SRM: variants seen among roughly 807,000 people sequenced by gnomAD.
SRM encodes the protein spermidine synthase.
A neutral mutation model predicts 39.3 loss-of-function variants in SRM; 14 were observed. The observed-to-expected ratio is 0.36, with a 90% CI of 0.24 to 0.56. SRM has a LOEUF of 0.56. Ranked by LOEUF, SRM falls within the 20% of genes least tolerant of loss-of-function variation. The pLI is 0.86. For missense variants in SRM, 244 were observed against 409.2 expected, an observed-to-expected ratio of 0.60 and a Z score of 3.48; for synonymous variants, 195 against 173.1, an observed-to-expected ratio of 1.13 and a Z score of -0.99.
rs201760198 is a variant in SRM at position 11,055,094 on chromosome 1, G to A, written c.766-10C>T. The A allele has an allele frequency of 9.8e-5, 157 of 1,595,704 alleles. No individual in the cohort carries two copies. The highest frequency in any genetic ancestry group is 3.7e-4 in the Admixed American group (21 of 56,494). ...CCTGGAAGTTCGTGCTCTGGGGACC[G>A]GGCCAGGGGCACATCAGGGGGGGCA... On this transcript the variant is annotated splice_polypyrimidine_tract_variant and intron_variant, in intron 6 of 7. Transcript: ENST00000376957.
At chr1:11,059,487 G>T in intron 1 of SRM, 142 bp from the exon 2 acceptor site, 1 of 1,427,612 alleles carries the variant, frequency 7.0e-7, no homozygotes. Flanking sequence ...GGCGAGGAAC[G>T]GCAGGCGGGC....
In SRM at chr1:11,059,239, G is replaced by T; in HGVS notation, c.274C>A (p.Pro92Thr). The T allele has an allele frequency of 1.2e-6, 2 of 1,613,590 alleles. No homozygotes were observed. Among genetic ancestry groups the T allele is most frequent in the Non-Finnish European group, 1.7e-6 (2 of 1,179,992 alleles). ...CACTGGGGTACCTTTCGCGGGTTGG[G>T]GTGGCTGCAGAGAGGCAGGTTGGCG... ...MIANLPLCSHPNPRKVLIIGG... is the reference protein window; with the variant it reads ...MIANLPLCSHTNPRKVLIIGG... The change falls in exon 2 of 8, where the codon CCC becomes ACC. Residue 92 changes from proline to threonine, a missense_variant. By Grantham distance (38) the Pro-to-Thr change is conservative (BLOSUM62 -1). Coordinates refer to ENST00000376957, the MANE Select transcript of SRM (RefSeq NM_003132.3).
chr1:11,055,692 G>C, intron 6 of SRM, 89 bp downstream of exon 6: 1 of 1,389,086 alleles, frequency 7.2e-7, no homozygotes, highest in Non-Finnish European at 9.8e-7. Flanking sequence ...TGGGATTACA[G>C]GTGTGAGCCA....
In SRM at chr1:11,059,279, G is replaced by A. The variant is rs11540042; in HGVS notation, c.234C>T (p.Ser78=). The change falls in exon 2 of 8, where the codon TCC becomes TCT. Residue 78 remains serine, a synonymous_variant. Transcript: ENST00000376957. ...GCAGGTTGGCGATCATCTCCTGGTA[G>A]GAGAACTCGTCTCTCTCCGTGCACT... ...VIQCTERDEF[S]YQEMIANLPL... 10 of 1,613,518 alleles carry A rather than the reference G, an allele frequency of 6.2e-6. No homozygotes were observed. The South Asian group carries it at 7.7e-5, about 12-fold the overall frequency.
intron 3 of SRM, among the ~76,000 whole-genome samples, chr1:11,057,681 GC>G (rs1383676558): frequency 1.3e-5 from 2 of 149,236 alleles, no homozygotes; most frequent in Admixed American, 6.7e-5. Context: ...CTGGAGGCCT[GC>G]CCTGACCACC....
chr1:11,056,865 A>G, intron 3 of SRM, 108 bp from the exon 4 acceptor site: 1 of 1,118,800 alleles, frequency 8.9e-7, no homozygotes, highest in Non-Finnish European at 1.3e-6. Flanking sequence ...GCCTTGGCCA[A>G]CCCCTTCCCT....
In SRM at chr1:11,055,711, G is replaced by A. The variant is rs1308434837; in HGVS notation, c.765+70C>T. On this transcript the variant is annotated intron_variant, in intron 6 of 7. Transcript: ENST00000376957. ...ATTACAGGTGTGAGCCACCGCGCCC[G>A]GCAGGGGCAGGGATCTCTATTTATG... 43 of 1,485,864 alleles carry A rather than the reference G, an allele frequency of 2.9e-5. 1 individual carries two copies. Among genetic ancestry groups the A allele is most frequent in the African/African-American group, 1.9e-4 (14 of 71,802 alleles). The allele number at this position is 1,485,864 out of a possible 1,614,324, so 92.0% of individuals were successfully genotyped here. A position where few individuals can be genotyped will look rare whatever the true frequency, so the allele number is the denominator to read the frequency against.
intron 6 of SRM, chr1:11,055,314 G>C (rs1167482958): frequency 1.9e-6 from 1 of 523,652 alleles, no homozygotes; most frequent in Non-Finnish European, 3.1e-6. Flanking sequence ...TCTCCATGTT[G>C]GTCAGGCTGG....
At chr1:11,058,983 G>T in intron 2 of SRM, 91 bp from the exon 3 acceptor site, 1 of 1,335,368 alleles carries the variant, frequency 7.5e-7, no homozygotes, top group Non-Finnish European at 1.0e-6. Context: ...TCGGACCCAC[G>T]GGCCTCATCT....
At chr1:11,057,244 C>T (rs1013817617) in intron 3 of SRM, among the ~76,000 whole-genome samples, 6 of 152,106 alleles carry the variant, frequency 3.9e-5, no homozygotes, top group African/African-American at 9.7e-5. Flanking sequence ...CTGCCGGCGG[C>T]TTGGGCTCCT....
chr1:11,058,681 T>A, intron 3 of SRM, 119 bp downstream of exon 3: 1 of 851,312 alleles, frequency 1.2e-6, no homozygotes, highest in South Asian at 1.9e-5. Flanking sequence ...CCCGACCAGG[T>A]GTTTTCCAGA....
Position 11,060,012 on chromosome 1 carries a change from G to T in SRM, c.-69C>A, listed in dbSNP as rs1423954495. ...GCCGCGCGGCGCCGCAGCACAACGG[G>T]ACCAGCTCCGCCCGCCGCCCGCGCC... On this transcript the variant is annotated 5_prime_UTR_variant, in exon 1 of 8. Transcript: ENST00000376957. The T allele has an allele frequency of 3.6e-6, 3 of 833,620 alleles. No individual in the cohort carries two copies. Among genetic ancestry groups the T allele is most frequent in the Non-Finnish European group, 4.3e-6 (3 of 693,702 alleles). 51.6% of individuals were successfully genotyped at this position (833,620 alleles called of 1,614,324 possible). A position where few individuals can be genotyped will look rare whatever the true frequency, so the allele number is the denominator to read the frequency against.
At chr1:11,055,367 C>T (rs968494740) in intron 6 of SRM, among the ~76,000 whole-genome samples, 1 of 151,200 alleles carries the variant, frequency 6.6e-6, no homozygotes. Context: ...CCTTGGTCTC[C>T]CAAAATGCTG....
chr1:11,056,611 G>A lies in SRM; in HGVS notation c.528C>T (p.Asp176=), dbSNP rs1452157112. The A allele has an allele frequency of 6.2e-7, 1 of 1,614,134 alleles. No homozygotes were observed. Among genetic ancestry groups the A allele is most frequent in the South Asian group, 1.1e-5 (1 of 91,082 alleles). The change falls in exon 4 of 8, where the codon GAC becomes GAT. Residue 176 remains aspartate (D), a synonymous_variant. Coordinates refer to ENST00000376957, the MANE Select transcript of SRM (RefSeq NM_003132.3). ...GGCCCATCCACTGCTTACCCATGGG[G>A]TCTGAGGAGTCAGTGATGATCACGT... ...AFDVIITDSS[D]PMGPAESLFK... is the part of the protein sequence containing the mutation.
chr1:11,058,481 A>G (rs1278092022), intron 3 of SRM, among the ~76,000 whole-genome samples: 1 of 150,004 alleles, frequency 6.7e-6, no homozygotes, highest in Non-Finnish European at 1.5e-5. Context: ...GAACTACTTG[A>G]GCCCAGGAGG....
intron 3 of SRM, among the ~76,000 whole-genome samples, chr1:11,057,795 T>C (rs1451160007): frequency 1.3e-5 from 2 of 151,774 alleles, no homozygotes; most frequent in African/African-American, 4.8e-5. Context: ...TTTGTTTTTT[T>C]TGAGACAGAT....
chr1:11,054,814 G>C lies in SRM; in HGVS notation c.*51C>G. ...GGGGCTGGAGGGGCCGAGGCACCCC[G>C]CAGGCTCCAAGGTCCGAGGTCCTGG... On this transcript the variant is annotated 3_prime_UTR_variant, in exon 8 of 8. Transcript: ENST00000376957. The surrounding 1 kb of genome is among the most constrained non-coding windows in gnomAD (Gnocchi z 4.8). 1 of 1,555,864 alleles carries C rather than the reference G, an allele frequency of 6.4e-7. No individual in the cohort carries two copies. Among genetic ancestry groups the C allele is most frequent in the South Asian group, 1.2e-5 (1 of 82,764 alleles).
chr1:11,058,875 G>A lies in SRM; in HGVS notation c.306C>T (p.Gly102=), dbSNP rs1370411073. The A allele has an allele frequency of 1.2e-6, 2 of 1,609,506 alleles. No homozygotes were observed. The highest frequency in any genetic ancestry group is 1.1e-5 in the South Asian group (1 of 90,132). Residue 102 remains glycine (G), a synonymous_variant, in exon 3 of 8, where the codon GGC becomes GGT. Transcript: ENST00000376957. ...CCTCCCGCAGGACACCTCCATCTCC[G>A]CCCCCGATGATCAGCACCTGGGAGG... ...PNPRKVLIIG[G]GDGGVLREVV... is the part of the protein sequence containing the mutation.
chr1:11,059,631 A>G (rs927662967), intron 1 of SRM, 146 bp downstream of exon 1: 3 of 1,050,788 alleles, frequency 2.9e-6, no homozygotes, highest in Non-Finnish European at 4.0e-6. Context: ...GCCCCAGCCC[A>G]GGGAGGCGGT....
Sources: allele counts gnomAD v4.1 joint callset (sites outside exome capture counted in the v4.1 genomes callset), GRCh38; gene constraint gnomAD v4.1.1; non-coding constraint Gnocchi (gnomAD v3.1); transcripts MANE v1.5; gene names NCBI Gene and HGNC (gene_info 2026-07-23, HGNC 2026-07-21).